The following SYT1 variants were observed in gnomAD, a reference collection of about 807,000 sequenced individuals.
The protein encoded by SYT1 is synaptotagmin-1.
A neutral mutation model predicts 44.8 loss-of-function variants in SYT1; 8 were observed. The observed-to-expected ratio is 0.18, with a 90% CI of 0.10 to 0.32. The LOEUF (loss-of-function observed/expected upper bound fraction) is 0.32, where lower values mean the gene tolerates loss of function less well. Among genes scored for constraint, SYT1 ranks in the 10% least tolerant of loss-of-function variants. SYT1 has a pLI of 1.00. For synonymous variants in SYT1, 154 were observed against 188.8 expected, an observed-to-expected ratio of 0.82 and a Z score of 1.51; for missense variants, 286 against 509.3, an observed-to-expected ratio of 0.56 and a Z score of 4.22.
intron 2 of SYT1, among the ~76,000 whole-genome samples, chr12:79,039,586 ATTTTTTAT>A (rs1873379776): frequency 2.0e-5 from 3 of 150,212 alleles, no homozygotes; most frequent in Admixed American, 1.3e-4. Context: ...ATTCTACCAC[ATTTTTTAT>A]TTTTTTATTT....
intron 1 of SYT1, among the ~76,000 whole-genome samples, chr12:78,898,874 A>G (rs1875506261): frequency 6.6e-6 from 1 of 152,134 alleles, no homozygotes; most frequent in African/African-American, 2.4e-5. Context: ...GGATACTTAC[A>G]AATTATCAGC....
chr12:79,150,995 G>A (rs951335235), intron 3 of SYT1, among the ~76,000 whole-genome samples: 1 of 152,052 alleles, frequency 6.6e-6, no homozygotes, highest in Non-Finnish European at 1.5e-5. Context: ...TAAGAAGAGC[G>A]ACTCCTCGAG....
Position 79,349,033 on chromosome 12 carries a change from A to AAGAAAGAAAAAG in SYT1, c.811-4468_811-4467insGAAAGAAAAAGA, listed in dbSNP as rs1367804411. 1.9e-4 allele frequency among the ~76,000 whole-genome samples: 23 copies of AAGAAAGAAAAAG among 120,280 alleles called. 1 individual carries two copies. The highest frequency in any genetic ancestry group is 2.8e-4 in the South Asian group (1 of 3,578). The allele number at this position is 120,280 out of a possible 152,430, so 78.9% of individuals were successfully genotyped here. ...AAAGAAAGAAAGAAAGAAAGAAAGA[A>AAGAAAGAAAAAG]AAAGAAAGAAAGAAAGAAAGAAAGG... On this transcript the variant is annotated intron_variant, in intron 8 of 10. Coordinates refer to ENST00000261205, the MANE Select transcript of SYT1 (RefSeq NM_005639.3).
intron 3 of SYT1, among the ~76,000 whole-genome samples, chr12:79,174,345 G>T (rs1176747173): frequency 6.6e-6 from 1 of 152,024 alleles, no homozygotes; most frequent in African/African-American, 2.4e-5. Flanking sequence ...AGAACATGCT[G>T]TTGGTTAATA....
chr12:79,317,971 A>G (rs1399489509), intron 8 of SYT1, among the ~76,000 whole-genome samples: 1 of 152,182 alleles, frequency 6.6e-6, no homozygotes, highest in Non-Finnish European at 1.5e-5. Context: ...TTGGAATGGC[A>G]TTACTGATAT....
At chr12:79,209,216 T>C (rs1327266427) in intron 3 of SYT1, among the ~76,000 whole-genome samples, 1 of 152,200 alleles carries the variant, frequency 6.6e-6, no homozygotes, top group East Asian at 1.9e-4. Context: ...AAGCCTGACA[T>C]TCAAACATCT....
chr12:79,051,048 A>G (rs910920211), intron 3 of SYT1, among the ~76,000 whole-genome samples: 2 of 151,884 alleles, frequency 1.3e-5, no homozygotes, highest in Non-Finnish European at 2.9e-5. Context: ...TAGAATTGAA[A>G]AAAAAATCTG....
At chr12:79,250,701 T>C (rs1565875696) in intron 4 of SYT1, among the ~76,000 whole-genome samples, 1 of 152,074 alleles carries the variant, frequency 6.6e-6, no homozygotes, top group African/African-American at 2.4e-5. Flanking sequence ...GTATTTTAGG[T>C]GGGGGGAACT....
chr12:79,161,311 ATACT>A (rs768826062), intron 3 of SYT1, among the ~76,000 whole-genome samples: 2 of 152,128 alleles, frequency 1.3e-5, no homozygotes, highest in African/African-American at 4.8e-5. Flanking sequence ...TAAAGTACAA[ATACT>A]TACCATTGTG....
At position 79,044,359 on chromosome 12, in the gene SYT1, C is replaced by T. The variant is rs376104587; in HGVS notation, c.-83-2938C>T. ...TCTTTTTTCTCTAAACTTCCCTTCT[C>T]GCTTCATTTCATTCATTTCATCTTC... On this transcript the variant is annotated intron_variant, in intron 2 of 10. Transcript: ENST00000261205. Among the ~76,000 whole-genome samples the T allele has an allele frequency of 1.2e-4, 18 of 152,180 alleles. No homozygotes were observed. In the East Asian group the frequency reaches 2.3e-3, roughly 20 times the overall value.
At chr12:79,332,410 G>A (rs971792367) in intron 8 of SYT1, among the ~76,000 whole-genome samples, 6 of 152,142 alleles carry the variant, frequency 3.9e-5, no homozygotes, top group Non-Finnish European at 7.4e-5. Flanking sequence ...CAGAATGAAC[G>A]ATTTGTGAAA....
chr12:79,347,843 G>C (rs538669551), intron 8 of SYT1, among the ~76,000 whole-genome samples: 2 of 152,168 alleles, frequency 1.3e-5, no homozygotes, highest in Non-Finnish European at 2.9e-5. Context: ...GGCAAGAGGA[G>C]AGGTAATGTT....
chr12:79,274,015 C>T (rs1179867316), intron 4 of SYT1, among the ~76,000 whole-genome samples: 2 of 152,168 alleles, frequency 1.3e-5, no homozygotes, highest in African/African-American at 4.8e-5. Context: ...ACCCAGGAGG[C>T]AGAGGTTGCA....
intron 3 of SYT1, among the ~76,000 whole-genome samples, chr12:79,189,420 G>C (rs1203664480): frequency 6.6e-6 from 1 of 152,234 alleles, no homozygotes; most frequent in African/African-American, 2.4e-5. Context: ...GTATGTTCAA[G>C]TCATTATAGC....
At chr12:78,918,176 G>T (rs1448296416) in intron 1 of SYT1, among the ~76,000 whole-genome samples, 3 of 152,066 alleles carry the variant, frequency 2.0e-5, no homozygotes. Context: ...ATGTTTTATT[G>T]TAAATAAGTA....
intron 3 of SYT1, among the ~76,000 whole-genome samples, chr12:79,160,021 T>C (rs1018985864): frequency 3.3e-5 from 5 of 152,094 alleles, no homozygotes; most frequent in Non-Finnish European, 5.9e-5. Context: ...GAGTATTACA[T>C]GGAAATATAA....
chr12:79,410,539 A>G (rs987740985), intron 9 of SYT1, among the ~76,000 whole-genome samples: 46 of 151,572 alleles, frequency 3.0e-4, no homozygotes, highest in African/African-American at 9.9e-4. Context: ...CAGAACGACA[A>G]TAATAACAAC....
intron 4 of SYT1, among the ~76,000 whole-genome samples, chr12:79,245,287 GA>G: frequency 8.1e-6 from 1 of 123,552 alleles, no homozygotes; most frequent in African/African-American, 3.1e-5. Flanking sequence ...AACACACGGT[GA>G]AACCCCGTCT....
intron 3 of SYT1, among the ~76,000 whole-genome samples, chr12:79,142,894 T>A (rs754225477): frequency 1.3e-5 from 2 of 152,156 alleles, no homozygotes; most frequent in African/African-American, 4.8e-5. Flanking sequence ...AGGAATATCA[T>A]TTTTGCTTGC....
Sources: allele counts gnomAD v4.1 joint callset (sites outside exome capture counted in the v4.1 genomes callset), GRCh38; gene constraint gnomAD v4.1.1; transcripts MANE v1.5; gene names NCBI Gene and HGNC (gene_info 2026-07-23, HGNC 2026-07-21).